Variants in EYS observed in about 807,000 individuals in gnomAD.
The protein encoded by EYS is protein eyes shut homolog.
A neutral mutation model predicts 282.1 loss-of-function variants in EYS; 250 were observed. That is an observed-to-expected ratio of 0.89 (90% confidence interval 0.80 to 0.98). EYS has a LOEUF of 0.98. EYS is among the 50% of genes least tolerant of loss of function. The pLI is 0.00. For missense variants in EYS, 4,016 were observed against 3,709.0 expected (o/e 1.08, Z -2.15); for synonymous variants, 1,355 against 1,282.9 (o/e 1.06, Z -1.20).
In EYS at chr6:65,384,479, T is replaced by A. The variant is rs752978263; in HGVS notation, c.1206A>T (p.Glu402Asp). ...YPCSCISGFTEKNCEKAIDHC... is the reference protein window; with the variant it reads ...YPCSCISGFTDKNCEKAIDHC... ...GGTCAATTGCTTTCTCACAGTTTTTTTCAGTAAATCCTGATATACAGCTGT... is the reference window on the plus strand; with the variant it reads ...GGTCAATTGCTTTCTCACAGTTTTTATCAGTAAATCCTGATATACAGCTGT... The change falls in exon 8 of 43, where the codon GAA (glutamate) becomes GAT (aspartate). Residue 402 changes from glutamate (E) to aspartate (D), a missense_variant. Physicochemically the swap from Glu to Asp is conservative, Grantham distance 45. Coordinates refer to ENST00000503581, the MANE Select transcript of EYS (RefSeq NM_001142800.2). 1.9e-6 allele frequency: 3 copies of A among 1,599,200 alleles called. No individual in the cohort carries two copies. Among genetic ancestry groups the A allele is most frequent in the Admixed American group, 3.4e-5 (2 of 59,686 alleles).
At chr6:64,069,672 T>A (rs1229749486) in intron 32 of EYS, among the ~76,000 whole-genome samples, 5 of 152,012 alleles carry the variant, frequency 3.3e-5, no homozygotes, top group African/African-American at 1.2e-4. Context: ...AAGAGCAGGA[T>A]CACACTATAA....
Position 64,021,929 on chromosome 6 carries a change from A to C in EYS, c.6726-22746T>G, listed in dbSNP as rs371591628. ...TGGAGATTGTTTTCTATCATGATAC[A>C]AAGCGTTTCCCCATTATTTCTTTTT... On this transcript the variant is annotated intron_variant, in intron 33 of 42. Coordinates refer to ENST00000503581, the MANE Select transcript of EYS (RefSeq NM_001142800.2). Among the ~76,000 whole-genome samples the C allele has an allele frequency of 2.8e-4, 43 of 152,338 alleles. No homozygotes were observed. In the East Asian group the frequency reaches 8.1e-3, roughly 29 times the overall value.
rs1253820214 is a variant in EYS, at chr6:63,984,509, A to C, written c.6929T>G (p.Leu2310Arg). ...GPVYGFRGCI[L>R]DLQVNNKEFF... Reference sequence around the variant, plus strand: ...TTCTTTGTTGTTTACTTGAAGGTCTAGAATGCAGCCCCTGAACCCATAAAC... The same window carrying C: ...TTCTTTGTTGTTTACTTGAAGGTCTCGAATGCAGCCCCTGAACCCATAAAC... Residue 2310 changes from leucine to arginine, a missense_variant, in exon 35 of 43, where the codon CTA becomes CGA. Coordinates refer to ENST00000503581, the MANE Select transcript of EYS (RefSeq NM_001142800.2). 6.5e-7 allele frequency: 1 copy of C among 1,549,682 alleles called. No individual in the cohort carries two copies.
intron 35 of EYS, among the ~76,000 whole-genome samples, chr6:63,867,294 T>C (rs1465773204): frequency 6.6e-6 from 1 of 152,194 alleles, no homozygotes; most frequent in Non-Finnish European, 1.5e-5. Flanking sequence ...ATGAAATATA[T>C]TTTTTTCATG....
At chr6:65,544,133 T>C (rs1768295213) in intron 2 of EYS, among the ~76,000 whole-genome samples, 1 of 152,076 alleles carries the variant, frequency 6.6e-6, no homozygotes, top group Admixed American at 6.6e-5. Context: ...CATTTAACTC[T>C]TTCATGACCA....
chr6:64,131,154 A>G (rs192012435), intron 31 of EYS, among the ~76,000 whole-genome samples: 4 of 152,286 alleles, frequency 2.6e-5, no homozygotes, highest in Admixed American at 1.3e-4. Context: ...GGCATGAGCC[A>G]CTGGACCCGG....
intron 22 of EYS, among the ~76,000 whole-genome samples, chr6:64,661,324 T>C (rs948217024): frequency 1.3e-4 from 20 of 152,252 alleles, no homozygotes; most frequent in African/African-American, 4.8e-4. Context: ...GACATAGGTA[T>C]GGGCAAGGAC....
At chr6:64,692,420 C>T (rs1264104766) in intron 22 of EYS, among the ~76,000 whole-genome samples, 1 of 152,086 alleles carries the variant, frequency 6.6e-6, no homozygotes, top group Non-Finnish European at 1.5e-5. Context: ...TGTAGGTTAT[C>T]TGTTTATACT....
Position 65,001,625 on chromosome 6 carries a change from A to C in EYS, c.2138-3922T>G, listed in dbSNP as rs1186295654. Among the ~76,000 whole-genome samples, 8 of 146,870 alleles carry C rather than the reference A, an allele frequency of 5.4e-5. 1 individual carries two copies. The highest frequency in any genetic ancestry group is 9.1e-5 in the Non-Finnish European group (6 of 66,016). On this transcript the variant is annotated intron_variant, in intron 13 of 42. Coordinates refer to ENST00000503581, the MANE Select transcript of EYS (RefSeq NM_001142800.2). ...TTATGGCTACGGGTATCCAGGCTTG[A>C]GGATGCGGCCTTTGCCAGGGCATCT...
At chr6:65,698,865 A>G (rs1873294) in intron 1 of EYS, among the ~76,000 whole-genome samples, 77,439 of 152,024 alleles carry the variant, frequency 0.51, 21,332 homozygotes, top group Non-Finnish European at 0.61. Context: ...GTTTCACCAT[A>G]AGAAAAACTA....
chr6:64,476,802 A>G (rs1776284833), intron 26 of EYS, among the ~76,000 whole-genome samples: 1 of 152,192 alleles, frequency 6.6e-6, no homozygotes, highest in Admixed American at 6.5e-5. Flanking sequence ...AATAAAAAGT[A>G]TACCTCAAGC....
intron 22 of EYS, among the ~76,000 whole-genome samples, chr6:64,740,768 C>G (rs1225570576): frequency 6.7e-6 from 1 of 148,688 alleles, no homozygotes; most frequent in Admixed American, 6.7e-5. Context: ...GGCTGGAGTG[C>G]AGTGGCATGA....
intron 26 of EYS, among the ~76,000 whole-genome samples, chr6:64,519,066 A>G (rs1777651157): frequency 6.6e-6 from 1 of 151,810 alleles, no homozygotes; most frequent in Non-Finnish European, 1.5e-5. Flanking sequence ...TAGTTATTAA[A>G]TCCTGAATGC....
intron 30 of EYS, among the ~76,000 whole-genome samples, chr6:64,267,641 A>C (rs1767806227): frequency 6.6e-6 from 1 of 152,188 alleles, no homozygotes; most frequent in African/African-American, 2.4e-5. Flanking sequence ...TGAAACTAGT[A>C]ACAAAATCAG....
intron 22 of EYS, among the ~76,000 whole-genome samples, chr6:64,678,820 A>C (rs1376090941): frequency 6.6e-6 from 1 of 151,968 alleles, no homozygotes; most frequent in Non-Finnish European, 1.5e-5. Flanking sequence ...CCCCGTCTCC[A>C]CTAAAGACAC....
chr6:64,396,770 T>C (rs1210713614), intron 28 of EYS, among the ~76,000 whole-genome samples: 2 of 152,092 alleles, frequency 1.3e-5, no homozygotes, highest in Non-Finnish European at 2.9e-5. Flanking sequence ...GTTCTACTGG[T>C]CAATTTTTCT....
At chr6:65,515,595 G>A (rs543098392) in intron 2 of EYS, among the ~76,000 whole-genome samples, 26 of 151,996 alleles carry the variant, frequency 1.7e-4, no homozygotes, top group South Asian at 6.2e-4. Context: ...TATACACCAT[G>A]GAATACCATG....
At chr6:63,818,941 T>C (rs1771250940) in intron 36 of EYS, among the ~76,000 whole-genome samples, 1 of 152,212 alleles carries the variant, frequency 6.6e-6, no homozygotes, top group Non-Finnish European at 1.5e-5. Context: ...TCCAAAAATA[T>C]CTTGAATTCT....
chr6:64,468,449 T>C (rs1402215023), intron 26 of EYS, among the ~76,000 whole-genome samples: 1 of 152,218 alleles, frequency 6.6e-6, no homozygotes, highest in African/African-American at 2.4e-5. Context: ...TACACAGATA[T>C]GAGAAACCAA....
Sources: allele counts gnomAD v4.1 joint callset (sites outside exome capture counted in the v4.1 genomes callset), GRCh38; gene constraint gnomAD v4.1.1; transcripts MANE v1.5; gene names NCBI Gene and HGNC (gene_info 2026-07-23, HGNC 2026-07-21).